Variants in SOX5 observed in about 807,000 individuals in gnomAD.
The protein encoded by SOX5 is transcription factor SOX-5.
In SOX5, 9 loss-of-function variants were observed where a neutral mutation model predicts 92.0. The observed-to-expected ratio is 0.10, with a 90% CI of 0.06 to 0.17. The LOEUF is 0.17. SOX5 is among the 10% of genes least tolerant of loss of function. SOX5 has a pLI of 1.00. For synonymous variants in SOX5, 344 were observed against 336.3 expected, an observed-to-expected ratio of 1.02 and a Z score of -0.25; for missense variants, 642 against 944.5, an observed-to-expected ratio of 0.68 and a Z score of 4.20.
chr12:23,949,724 C>A, upstream of SOX5: 2 of 1,262,642 alleles, frequency 1.6e-6, no homozygotes, highest in South Asian at 1.3e-5. Flanking sequence ...CCCCCCCTCC[C>A]TCCCTCCCTC....
At position 23,949,609 on chromosome 12, in the gene SOX5, A is replaced by G. The variant is rs1430723261; in HGVS notation, c.-8T>C. Reference sequence around the variant, plus strand: ...ATCAGGGTCAGTAAGCATGCTGGAAAAGCACAATTTCCCTTTGTCACAGCA... The same window carrying G: ...ATCAGGGTCAGTAAGCATGCTGGAAGAGCACAATTTCCCTTTGTCACAGCA... On this transcript the variant is annotated 5_prime_UTR_variant, in exon 1 of 15. Transcript: ENST00000451604. 2 of 1,613,840 alleles carry G rather than the reference A, an allele frequency of 1.2e-6. No homozygotes were observed. The highest frequency in any genetic ancestry group is 1.7e-6 in the Non-Finnish European group (2 of 1,179,802).
At chr12:24,277,076 T>G (rs1378884681) in intron 3 of SOX5, 18 of 152,126 alleles carry the variant, frequency 1.2e-4, no homozygotes, top group Admixed American at 1.2e-3. Flanking sequence ...AAAGACTATG[T>G]ACTATACTTT....
At chr12:24,107,351 T>G (rs753539611) in intron 4 of SOX5, among the ~76,000 whole-genome samples, 1 of 152,214 alleles carries the variant, frequency 6.6e-6, no homozygotes, top group Admixed American at 6.5e-5. Flanking sequence ...ATGATTGAGT[T>G]GCTAACACTA....
At chr12:23,537,942 G>C (rs2135920473) in intron 13 of SOX5, among the ~76,000 whole-genome samples, 1 of 74,544 alleles carries the variant, frequency 1.3e-5, no homozygotes, top group Non-Finnish European at 3.2e-5. Context: ...AGTAGTAATA[G>C]CGTTTTTTTT....
chr12:23,740,740 T>C, intron 5 of SOX5, 127 bp downstream of exon 5: 1 of 838,558 alleles, frequency 1.2e-6, no homozygotes, highest in Non-Finnish European at 1.7e-6. Flanking sequence ...TTTTTGGCCT[T>C]TGAATTTATT....
intron 8 of SOX5, among the ~76,000 whole-genome samples, chr12:23,627,345 T>C: frequency 6.6e-6 from 1 of 152,150 alleles, no homozygotes; most frequent in Non-Finnish European, 1.5e-5. Flanking sequence ...GACGTTCTGC[T>C]TGCATTAAAT....
intron 2 of SOX5, among the ~76,000 whole-genome samples, chr12:24,326,371 T>C (rs1950678010): frequency 6.6e-6 from 1 of 152,078 alleles, no homozygotes; most frequent in Non-Finnish European, 1.5e-5. Context: ...ACTCCTCATA[T>C]AGAACTGACT....
chr12:24,374,266 A>G (rs1230442116), intron 1 of SOX5, among the ~76,000 whole-genome samples: 2 of 151,522 alleles, frequency 1.3e-5, no homozygotes, highest in African/African-American at 4.9e-5. Context: ...TTTCATTGAC[A>G]TTTCTTGGTG....
intron 4 of SOX5, among the ~76,000 whole-genome samples, chr12:24,150,879 T>A (rs1244119641): frequency 1.3e-5 from 2 of 151,732 alleles, no homozygotes; most frequent in Admixed American, 6.6e-5. Context: ...TCAGTAAATT[T>A]TTTGAAAAAA....
intron 4 of SOX5, among the ~76,000 whole-genome samples, chr12:24,056,974 CAAAA>C (rs60085412): frequency 5.4e-5 from 2 of 36,902 alleles, no homozygotes; most frequent in Non-Finnish European, 5.6e-5. Flanking sequence ...GACTCCGTCT[CAAAA>C]AAAAAAAAAA....
chr12:24,487,909 A>T (rs1946680512), intron 1 of SOX5, among the ~76,000 whole-genome samples: 1 of 152,118 alleles, frequency 6.6e-6, no homozygotes, highest in South Asian at 2.1e-4. Context: ...CAACGCAAGG[A>T]TTCAGTACGT....
chr12:24,228,924 T>A (rs1350247861), intron 3 of SOX5, among the ~76,000 whole-genome samples: 2 of 152,192 alleles, frequency 1.3e-5, no homozygotes, highest in African/African-American at 4.8e-5. Context: ...ACTTAAGAAC[T>A]GCTATAAATT....
At chr12:23,689,633 T>C (rs1000730546) in intron 6 of SOX5, among the ~76,000 whole-genome samples, 2 of 152,184 alleles carry the variant, frequency 1.3e-5, no homozygotes, top group Admixed American at 1.3e-4. Flanking sequence ...TGTAAGTCTT[T>C]TTCCTATCTC....
chr12:24,086,172 T>A (rs1943970544), intron 4 of SOX5, among the ~76,000 whole-genome samples: 3 of 151,870 alleles, frequency 2.0e-5, no homozygotes, highest in Admixed American at 2.0e-4. Flanking sequence ...ATTTGGCTGT[T>A]AAGGGAGGGG....
chr12:24,074,736 C>T (rs1240133170), intron 4 of SOX5, among the ~76,000 whole-genome samples: 1 of 150,626 alleles, frequency 6.6e-6, no homozygotes, highest in Non-Finnish European at 1.5e-5. Context: ...CTTTTCATAC[C>T]ACTCTTGAAT....
chr12:24,374,195 G>A (rs1957013099), intron 1 of SOX5, among the ~76,000 whole-genome samples: 1 of 152,124 alleles, frequency 6.6e-6, no homozygotes, highest in African/African-American at 2.4e-5. Flanking sequence ...TTCCAGGGCA[G>A]TGGTGCAGAA....
At chr12:23,867,713 G>T (rs1365048047) in intron 2 of SOX5, among the ~76,000 whole-genome samples, 1 of 151,718 alleles carries the variant, frequency 6.6e-6, no homozygotes, top group Non-Finnish European at 1.5e-5. Flanking sequence ...CCATAGAAAA[G>T]AATAGGTCTT....
chr12:23,595,572 T>C (rs1274497292), intron 9 of SOX5, among the ~76,000 whole-genome samples: 4 of 140,090 alleles, frequency 2.9e-5, no homozygotes, highest in Non-Finnish European at 4.5e-5. Flanking sequence ...TGAGCCCAGA[T>C]TGTGCCACTG....
At chr12:24,244,776 T>C (rs1565737972) in intron 3 of SOX5, among the ~76,000 whole-genome samples, 1 of 152,222 alleles carries the variant, frequency 6.6e-6, no homozygotes, top group Non-Finnish European at 1.5e-5. Flanking sequence ...CACTGCAACC[T>C]CCGCCTCCTG....
Sources: gnomAD v4.1 joint callset for allele counts (sites outside exome capture counted in the v4.1 genomes callset) on GRCh38, gnomAD v4.1.1 for gene constraint, MANE v1.5 for transcripts, NCBI Gene and HGNC (gene_info 2026-07-23, HGNC 2026-07-21) for gene names.